The following TNRC6A variants were observed in gnomAD, a reference collection of about 807,000 sequenced individuals.
TNRC6A encodes trinucleotide repeat containing adaptor 6A, also known as trinucleotide repeat-containing gene 6A protein.
Under a neutral mutation model 221.2 loss-of-function variants are expected in TNRC6A, and 44 were observed. The ratio of observed to expected loss-of-function variants is 0.20; its 90% confidence interval spans 0.16 to 0.26. TNRC6A has a LOEUF of 0.26. Among genes scored for constraint, TNRC6A ranks in the 10% least tolerant of loss-of-function variants. The pLI is 1.00. For missense variants in TNRC6A, 2,199 were observed against 2,404.4 expected (o/e 0.91, Z 1.79); for synonymous variants, 847 against 838.5 (o/e 1.01, Z -0.18).
At chr16:24,817,025 C>T in intron 20 of TNRC6A, 69 bp downstream of exon 20, 1 of 1,485,680 alleles carries the variant, frequency 6.7e-7, no homozygotes, top group Non-Finnish European at 9.0e-7. Context: ...CATGTAGTAC[C>T]CAGCTACTCT....
intron 1 of TNRC6A, among the ~76,000 whole-genome samples, chr16:24,615,240 T>A (rs180879638): frequency 2.6e-5 from 4 of 152,216 alleles, no homozygotes; most frequent in Admixed American, 2.6e-4. Flanking sequence ...TAATTCCATG[T>A]ACTAAGATGG....
intron 2 of TNRC6A, chr16:24,662,467 G>A (rs1469474871): frequency 6.6e-6 from 1 of 150,966 alleles, no homozygotes; most frequent in Non-Finnish European, 1.5e-5. Flanking sequence ...CTGGGTGTCA[G>A]AGCAAGACCC....
intron 2 of TNRC6A, among the ~76,000 whole-genome samples, chr16:24,650,727 T>C (rs1395286006): frequency 6.6e-6 from 1 of 151,472 alleles, no homozygotes; most frequent in Non-Finnish European, 1.5e-5. Context: ...ACCTGTTAGA[T>C]GAGTGATAGG....
chr16:24,702,230 T>G (rs1342334169), intron 2 of TNRC6A, among the ~76,000 whole-genome samples: 1 of 147,312 alleles, frequency 6.8e-6, no homozygotes, highest in Non-Finnish European at 1.5e-5. Context: ...CAGGCTGGAG[T>G]GCAATGGCAC....
At chr16:24,631,359 C>T (rs911683347) in intron 1 of TNRC6A, among the ~76,000 whole-genome samples, 3 of 152,150 alleles carry the variant, frequency 2.0e-5, no homozygotes, top group South Asian at 2.1e-4. Flanking sequence ...CAGCAACATT[C>T]GACACAACAT....
intron 14 of TNRC6A, 93 bp downstream of exon 14, chr16:24,805,244 ATATT>A: frequency 6.7e-7 from 1 of 1,503,650 alleles, no homozygotes; most frequent in Non-Finnish European, 9.1e-7. Context: ...AAGCATTATC[ATATT>A]TATTGGCATC....
In TNRC6A at chr16:24,823,149, G is replaced by A. The variant is rs369042057; in HGVS notation, c.5513+136G>A. ...GCAGTAGTGCCCTGATTCCAAGGTC[G>A]GCATTCCTAAGCGGGGAATCAGACC... On this transcript the variant is annotated intron_variant, in intron 24 of 24. Transcript: ENST00000395799. This position sits in a 1 kb window ranked among gnomAD's most constrained non-coding sequence, Gnocchi z 4.3. The A allele has an allele frequency of 1.6e-4, 207 of 1,275,248 alleles. No individual in the cohort carries two copies. Among genetic ancestry groups the A allele is most frequent in the African/African-American group, 1.0e-3 (70 of 67,836 alleles). 79.0% of individuals were successfully genotyped at this position (1,275,248 alleles called of 1,614,324 possible).
intron 2 of TNRC6A, among the ~76,000 whole-genome samples, chr16:24,707,785 G>T (rs1432536950): frequency 6.6e-6 from 1 of 152,250 alleles, no homozygotes; most frequent in African/African-American, 2.4e-5. Context: ...ATGGGCCAGT[G>T]CGGTGGCTCA....
intron 3 of TNRC6A, among the ~76,000 whole-genome samples, chr16:24,752,570 T>C (rs1292923623): frequency 2.6e-5 from 4 of 152,170 alleles, no homozygotes; most frequent in African/African-American, 9.7e-5. Context: ...AGGCTGTTTA[T>C]GTAGGACAGT....
intron 19 of TNRC6A, chr16:24,815,617 A>C: frequency 3.0e-6 from 1 of 332,680 alleles, no homozygotes; most frequent in Non-Finnish European, 5.8e-6. Context: ...GCACTTTGGG[A>C]GGCCGAGGCG....
At position 24,791,069 on chromosome 16, in the gene TNRC6A, T is replaced by C. The variant is rs1218731987; in HGVS notation, c.2427T>C (p.Ala809=). The C allele has an allele frequency of 2.2e-5, 35 of 1,604,640 alleles. No individual in the cohort carries two copies. Among genetic ancestry groups the C allele is most frequent in the Non-Finnish European group, 3.0e-5 (35 of 1,174,634 alleles). The change falls in exon 6 of 25, where the codon GCT becomes GCC. Residue 809 remains alanine, a synonymous_variant. Coordinates refer to ENST00000395799, the MANE Select transcript of TNRC6A (RefSeq NM_014494.4). Reference sequence around the variant, plus strand: ...AGGGGGGGTGGGAAGATGATTCTGCTGCTACAGGAATGGTCAAGAGCAATC... The same window carrying C: ...AGGGGGGGTGGGAAGATGATTCTGCCGCTACAGGAATGGTCAAGAGCAATC... The part of the protein sequence containing the change: ...NCQGGWEDDS[A]ATGMVKSNQW...
At chr16:24,713,405 A>G (rs28771240) in intron 2 of TNRC6A, among the ~76,000 whole-genome samples, 66,583 of 151,426 alleles carry the variant, frequency 0.44, 16,287 homozygotes, top group East Asian at 0.75. Flanking sequence ...CTGACAGAGT[A>G]AAACTCTGTC....
intron 4 of TNRC6A, among the ~76,000 whole-genome samples, chr16:24,769,875 G>A (rs1241610903): frequency 2.0e-5 from 3 of 152,180 alleles, no homozygotes; most frequent in African/African-American, 7.2e-5. Flanking sequence ...GTCACTTTGT[G>A]TATGCTTGGC....
At chr16:24,783,649 A>G (rs986832445) in intron 5 of TNRC6A, among the ~76,000 whole-genome samples, 1 of 152,122 alleles carries the variant, frequency 6.6e-6, no homozygotes, top group Non-Finnish European at 1.5e-5. Context: ...CAACCTTCCA[A>G]ATCTTAAGTT....
intron 4 of TNRC6A, among the ~76,000 whole-genome samples, chr16:24,763,415 A>G (rs1198525890): frequency 1.3e-5 from 2 of 152,222 alleles, no homozygotes; most frequent in East Asian, 1.9e-4. Context: ...AGCCTCTAGA[A>G]TGTGACTGAG....
intron 2 of TNRC6A, among the ~76,000 whole-genome samples, chr16:24,656,677 T>TG: frequency 6.6e-6 from 1 of 152,250 alleles, no homozygotes; most frequent in East Asian, 1.9e-4. Context: ...TATTTAGAAC[T>TG]TTTAAAAATC....
chr16:24,789,416 T>G lies in TNRC6A; in HGVS notation c.774T>G (p.Ser258=). The G allele has an allele frequency of 6.2e-7, 1 of 1,614,252 alleles. No individual in the cohort carries two copies. Among genetic ancestry groups the G allele is most frequent in the Non-Finnish European group, 8.5e-7 (1 of 1,180,048 alleles). Reference sequence around the variant, plus strand: ...CTTCAGAATGTATGGATGCTGATTCTGCCTCCAGTTCTGAATCAGAGAGAA... The same window carrying G: ...CTTCAGAATGTATGGATGCTGATTCGGCCTCCAGTTCTGAATCAGAGAGAA... The part of the protein sequence containing the change: ...ELASECMDAD[S]ASSSESERNI... Residue 258 remains serine, a synonymous_variant, in exon 6 of 25, where the codon TCT becomes TCG. Coordinates refer to ENST00000395799, the MANE Select transcript of TNRC6A (RefSeq NM_014494.4).
intron 5 of TNRC6A, among the ~76,000 whole-genome samples, chr16:24,784,621 G>A (rs527887078): frequency 5.3e-5 from 8 of 152,238 alleles, no homozygotes; most frequent in South Asian, 2.1e-4. Flanking sequence ...AATGCCAAAC[G>A]AATTTTTTTT....
intron 1 of TNRC6A, among the ~76,000 whole-genome samples, chr16:24,617,546 A>G (rs1301004646): frequency 2.6e-5 from 4 of 152,170 alleles, no homozygotes; most frequent in Non-Finnish European, 5.9e-5. Flanking sequence ...TATTAATTGT[A>G]TTATTTATAC....
Sources: allele counts gnomAD v4.1 joint callset (sites outside exome capture counted in the v4.1 genomes callset), GRCh38; gene constraint gnomAD v4.1.1; non-coding constraint Gnocchi (gnomAD v3.1); transcripts MANE v1.5; gene names NCBI Gene and HGNC (gene_info 2026-07-23, HGNC 2026-07-21).